Variants in TRPC4 observed in about 807,000 individuals in gnomAD.
TRPC4 encodes the protein transient receptor potential cation channel subfamily C member 4, also known as short transient receptor potential channel 4.
TRPC4 carries 49 observed loss-of-function variants against 99.4 expected under a neutral mutation model. The observed-to-expected ratio is 0.49, with a 90% CI of 0.39 to 0.63. The LOEUF (loss-of-function observed/expected upper bound fraction) is 0.63. Among genes scored for constraint, TRPC4 ranks in the 20% least tolerant of loss-of-function variants. The pLI is 0.00. For synonymous variants in TRPC4, 454 were observed against 425.9 expected, an observed-to-expected ratio of 1.07 and a Z score of -0.81; for missense variants, 898 against 1,152.9, an observed-to-expected ratio of 0.78 and a Z score of 3.20.
intron 2 of TRPC4, 98 bp from the exon 3 acceptor site, chr13:37,746,553 A>AC: frequency 1.5e-6 from 2 of 1,316,052 alleles, no homozygotes; most frequent in Non-Finnish European, 2.0e-6. Context: ...CAGGGTTTAT[A>AC]TGTCCTTGGC....
chr13:37,723,006 C>T (rs1055901077), intron 3 of TRPC4, among the ~76,000 whole-genome samples: 4 of 152,116 alleles, frequency 2.6e-5, no homozygotes, highest in Admixed American at 6.6e-5. Flanking sequence ...TTGACTAGTA[C>T]TTAATGGGAG....
chr13:37,665,376 T>C (rs1952605954), intron 5 of TRPC4, among the ~76,000 whole-genome samples: 1 of 152,214 alleles, frequency 6.6e-6, no homozygotes, highest in South Asian at 2.1e-4. Context: ...TTTAACCTAA[T>C]ATAGCTCAGG....
intron 3 of TRPC4, among the ~76,000 whole-genome samples, chr13:37,723,016 G>T (rs1954926618): frequency 6.6e-6 from 1 of 152,204 alleles, no homozygotes; most frequent in South Asian, 2.1e-4. Flanking sequence ...CTTAATGGGA[G>T]CTACGACACT....
chr13:37,651,358 G>T lies in TRPC4; in HGVS notation c.1986C>A (p.Ser662Arg). Residue 662 changes from serine (S) to arginine (R), a missense_variant, in exon 8 of 11, where the codon AGC becomes AGA. Coordinates refer to ENST00000379705, the MANE Select transcript of TRPC4 (RefSeq NM_016179.4). ...TGATCAGGTACCAGAGAGACTTGGG[G>T]CTCGGGATGACATTGAAGGGAGTAG... ...TLPTPFNVIP[S>R]PKSLWYLIKW... The T allele has an allele frequency of 1.2e-6, 2 of 1,614,096 alleles. No individual in the cohort carries two copies. The highest frequency in any genetic ancestry group is 1.7e-6 in the Non-Finnish European group (2 of 1,179,990).
At chr13:37,692,925 T>C (rs1953768312) in intron 3 of TRPC4, among the ~76,000 whole-genome samples, 1 of 152,198 alleles carries the variant, frequency 6.6e-6, no homozygotes, top group Non-Finnish European at 1.5e-5. Context: ...TTCACCAGAA[T>C]GTTAATCATC....
At chr13:37,838,970 A>G (rs1242632768) in intron 1 of TRPC4, among the ~76,000 whole-genome samples, 1 of 152,208 alleles carries the variant, frequency 6.6e-6, no homozygotes. Flanking sequence ...CTACTAAGAG[A>G]TAGAGCTGAG....
intron 1 of TRPC4, among the ~76,000 whole-genome samples, chr13:37,868,197 C>T (rs1226474677): frequency 6.6e-6 from 1 of 151,974 alleles, no homozygotes. Flanking sequence ...ATAACCATTA[C>T]AAAATTTTAA....
At chr13:37,652,101 C>G (rs922672966) in intron 7 of TRPC4, among the ~76,000 whole-genome samples, 1 of 152,206 alleles carries the variant, frequency 6.6e-6, no homozygotes, top group Admixed American at 6.5e-5. Flanking sequence ...GAGGCTATCC[C>G]CTTCATCATG....
At chr13:37,764,936 G>C (rs2139259895) in intron 2 of TRPC4, among the ~76,000 whole-genome samples, 1 of 148,282 alleles carries the variant, frequency 6.7e-6, no homozygotes, top group African/African-American at 2.5e-5. Context: ...TTATATTTTT[G>C]AGTGAGATGA....
intron 4 of TRPC4, among the ~76,000 whole-genome samples, chr13:37,677,660 GT>G (rs1278341348): frequency 3.9e-5 from 6 of 152,074 alleles, no homozygotes; most frequent in South Asian, 2.1e-4. Context: ...AATACAAGAT[GT>G]CATAACTATT....
intron 2 of TRPC4, among the ~76,000 whole-genome samples, chr13:37,772,340 C>G (rs1291435465): frequency 6.6e-6 from 1 of 151,418 alleles, no homozygotes; most frequent in Non-Finnish European, 1.5e-5. Context: ...GAAAGCATGC[C>G]CAAGCAAAGC....
chr13:37,851,429 T>C (rs903951991), intron 1 of TRPC4, among the ~76,000 whole-genome samples: 2 of 152,202 alleles, frequency 1.3e-5, no homozygotes, highest in African/African-American at 4.8e-5. Flanking sequence ...TTCTACTAAA[T>C]ATGATATTCA....
chr13:37,729,905 G>A (rs1181691524), intron 3 of TRPC4, among the ~76,000 whole-genome samples: 2 of 152,000 alleles, frequency 1.3e-5, no homozygotes, highest in Admixed American at 6.6e-5. Context: ...AGAGTGGATC[G>A]TAGTGATGGT....
Position 37,783,370 on chromosome 13 carries a change from G to T in TRPC4, c.-27-10C>A. ...TGCTATTTCTTCGTCTCTGAAAGTA[G>T]AAACAAAAAACACAAAGATTAGTGT... On this transcript the variant is annotated splice_polypyrimidine_tract_variant and intron_variant, in intron 1 of 10. Coordinates refer to ENST00000379705, the MANE Select transcript of TRPC4 (RefSeq NM_016179.4). 1 of 1,495,296 alleles carries T rather than the reference G, an allele frequency of 6.7e-7. No individual in the cohort carries two copies. Among genetic ancestry groups the T allele is most frequent in the South Asian group, 1.4e-5 (1 of 69,086 alleles). 92.6% of individuals were successfully genotyped at this position (1,495,296 alleles called of 1,614,324 possible).
At chr13:37,782,587 A>C (rs1486489221) in intron 2 of TRPC4, among the ~76,000 whole-genome samples, 2 of 152,138 alleles carry the variant, frequency 1.3e-5, no homozygotes, top group African/African-American at 4.8e-5. Context: ...ATAAGGTAGA[A>C]TTAAGAAAAT....
At chr13:37,809,106 A>G (rs1478650374) in intron 1 of TRPC4, among the ~76,000 whole-genome samples, 1 of 152,136 alleles carries the variant, frequency 6.6e-6, no homozygotes, top group Non-Finnish European at 1.5e-5. Flanking sequence ...TTAATATTTT[A>G]ATGACAACTT....
At chr13:37,712,325 C>T (rs1319726556) in intron 3 of TRPC4, among the ~76,000 whole-genome samples, 1 of 152,062 alleles carries the variant, frequency 6.6e-6, no homozygotes, top group Non-Finnish European at 1.5e-5. Flanking sequence ...TTATAGAGCC[C>T]CTTTTATAGT....
intron 2 of TRPC4, among the ~76,000 whole-genome samples, chr13:37,782,338 T>A (rs1956862541): frequency 6.6e-6 from 1 of 152,136 alleles, no homozygotes; most frequent in African/African-American, 2.4e-5. Flanking sequence ...ACCTATAAGG[T>A]ATAGCTACAT....
At chr13:37,826,831 T>C (rs979779374) in intron 1 of TRPC4, among the ~76,000 whole-genome samples, 3 of 152,192 alleles carry the variant, frequency 2.0e-5, no homozygotes, top group African/African-American at 7.2e-5. Flanking sequence ...CCTTGCTAGA[T>C]TGGGGAAGTT....
Sources: allele counts gnomAD v4.1 joint callset (sites outside exome capture counted in the v4.1 genomes callset), GRCh38; gene constraint gnomAD v4.1.1; transcripts MANE v1.5; gene names NCBI Gene and HGNC (gene_info 2026-07-23, HGNC 2026-07-21).